MVB12B: variants seen among roughly 807,000 people sequenced by gnomAD.
MVB12B encodes the protein ESCRT-I complex subunit MVB12B.
Under a neutral mutation model 41.6 loss-of-function variants are expected in MVB12B, and 16 were observed. The observed-to-expected ratio is 0.38, with a 90% CI of 0.26 to 0.58. The LOEUF (loss-of-function observed/expected upper bound fraction) is 0.58, where lower values mean the gene tolerates loss of function less well. Ranked by LOEUF, MVB12B falls within the 20% of genes least tolerant of loss-of-function variation. The pLI, the probability that MVB12B is intolerant of heterozygous loss-of-function variation, is 0.62. For missense variants in MVB12B, 274 were observed against 380.2 expected (o/e 0.72, Z 2.32); for synonymous variants, 133 against 139.7 (o/e 0.95, Z 0.34).
intron 6 of MVB12B, among the ~76,000 whole-genome samples, chr9:126,414,302 T>C (rs755993854): frequency 2.0e-5 from 3 of 152,194 alleles, no homozygotes; most frequent in Non-Finnish European, 4.4e-5. Flanking sequence ...TCGCTGGCAG[T>C]GCGTGCTTGC....
At chr9:126,502,537 T>C (rs1588218595) in intron 9 of MVB12B, among the ~76,000 whole-genome samples, 1 of 148,322 alleles carries the variant, frequency 6.7e-6, no homozygotes, top group Admixed American at 6.6e-5. Context: ...TGGAGGAAGG[T>C]CCCCCCACCG....
chr9:126,484,090 G>C, intron 9 of MVB12B, 58 bp downstream of exon 9: 1 of 1,521,474 alleles, frequency 6.6e-7, no homozygotes, highest in Non-Finnish European at 9.1e-7. Context: ...GCACACCGGC[G>C]TCTCTCGTGT....
chr9:126,354,182 G>A lies in MVB12B; in HGVS notation c.204+13552G>A, dbSNP rs188789548. 1.4e-4 allele frequency among the ~76,000 whole-genome samples: 22 copies of A among 152,156 alleles called. No homozygotes were observed. The East Asian group carries it at 3.1e-3, about 21-fold the overall frequency. Reference sequence around the variant, plus strand: ...CTCATATGGCTGGCTTTCTCTTCCTGGTTTCTAGGCTTCCCTTATATATTC... The same window carrying A: ...CTCATATGGCTGGCTTTCTCTTCCTAGTTTCTAGGCTTCCCTTATATATTC... On this transcript the variant is annotated intron_variant, in intron 2 of 9. Coordinates refer to ENST00000361171, the MANE Select transcript of MVB12B (RefSeq NM_033446.3).
intron 3 of MVB12B, among the ~76,000 whole-genome samples, chr9:126,383,710 G>A (rs1371077611): frequency 1.3e-5 from 2 of 151,878 alleles, no homozygotes; most frequent in African/African-American, 2.4e-5. Context: ...GAGGGGAGAG[G>A]AACAGGCAAA....
intron 2 of MVB12B, among the ~76,000 whole-genome samples, chr9:126,347,677 T>C (rs1328410223): frequency 6.6e-6 from 1 of 152,238 alleles, no homozygotes; most frequent in Non-Finnish European, 1.5e-5. Flanking sequence ...AGAATCTCAA[T>C]GGTGATACAA....
chr9:126,379,506 C>T (rs1321252760), intron 2 of MVB12B, among the ~76,000 whole-genome samples: 2 of 152,154 alleles, frequency 1.3e-5, no homozygotes, highest in Non-Finnish European at 2.9e-5. Context: ...GACCCCCATT[C>T]GATCGTGTTT....
rs1301016818 is a variant in MVB12B at position 126,392,291 on chromosome 9, C to T, written c.539+96C>T. The T allele has an allele frequency of 6.9e-7, 1 of 1,443,244 alleles. No homozygotes were observed. Among genetic ancestry groups the T allele is most frequent in the East Asian group, 2.3e-5 (1 of 43,644 alleles). The allele number at this position is 1,443,244 out of a possible 1,614,324, so 89.4% of individuals were successfully genotyped here. A position where few individuals can be genotyped will look rare whatever the true frequency, so the allele number is the denominator to read the frequency against. ...GGTCCAAGAGATTTCCATGCAGCCCCCCAGGCTCTCAGCCATGGGCCTCTG... is the reference window on the plus strand; with the variant it reads ...GGTCCAAGAGATTTCCATGCAGCCCTCCAGGCTCTCAGCCATGGGCCTCTG... On this transcript the variant is annotated intron_variant, in intron 5 of 9. Coordinates refer to ENST00000361171, the MANE Select transcript of MVB12B (RefSeq NM_033446.3). The surrounding 1 kb of genome is among the most constrained non-coding windows in gnomAD (Gnocchi z 4.8).
intron 6 of MVB12B, among the ~76,000 whole-genome samples, chr9:126,418,897 A>G (rs1193903470): frequency 6.6e-6 from 1 of 152,142 alleles, no homozygotes; most frequent in Non-Finnish European, 1.5e-5. Context: ...TCCATAGGAA[A>G]TGATCACACT....
intron 6 of MVB12B, among the ~76,000 whole-genome samples, chr9:126,403,703 G>A (rs77818912): frequency 0.011 from 1,625 of 152,304 alleles, 14 homozygotes; most frequent in Non-Finnish European, 0.015. Flanking sequence ...CATGCTCACA[G>A]TAAGTGCTCA....
rs1231518357 is a variant in MVB12B at position 126,436,688 on chromosome 9, C to T, written c.757+14740C>T. Among the ~76,000 whole-genome samples, 1 of 152,166 alleles carries T rather than the reference C, an allele frequency of 6.6e-6. No homozygotes were observed. Among genetic ancestry groups the T allele is most frequent in the Non-Finnish European group, 1.5e-5 (1 of 68,036 alleles). ...CTGGTTCCTTAAATCCGTAGTGGCTCAGCATATAGTCCTTTGTCTGGCAGT... is the reference window on the plus strand; with the variant it reads ...CTGGTTCCTTAAATCCGTAGTGGCTTAGCATATAGTCCTTTGTCTGGCAGT... On this transcript the variant is annotated intron_variant, in intron 7 of 9. Transcript: ENST00000361171. This position sits in a 1 kb window ranked among gnomAD's most constrained non-coding sequence, Gnocchi z 4.1.
chr9:126,418,906 C>CT (rs1831910016), intron 6 of MVB12B, among the ~76,000 whole-genome samples: 1 of 152,206 alleles, frequency 6.6e-6, no homozygotes. Context: ...AATGATCACA[C>CT]TTGTAAGCAA....
chr9:126,460,068 CT>C (rs1833058145), intron 7 of MVB12B, among the ~76,000 whole-genome samples: 2 of 152,202 alleles, frequency 1.3e-5, no homozygotes, highest in Admixed American at 6.5e-5. Flanking sequence ...GTCTGCCTAT[CT>C]TCTTGAGGGG....
chr9:126,467,316 C>A (rs1833220617), intron 7 of MVB12B, among the ~76,000 whole-genome samples: 2 of 152,142 alleles, frequency 1.3e-5, no homozygotes, highest in African/African-American at 4.8e-5. Context: ...AGGAATCCTC[C>A]TGAGGCCATC....
intron 7 of MVB12B, among the ~76,000 whole-genome samples, chr9:126,441,126 A>G (rs1286169982): frequency 6.6e-6 from 1 of 152,110 alleles, no homozygotes; most frequent in African/African-American, 2.4e-5. Flanking sequence ...AGCACAGAAA[A>G]CTTAATAATC....
chr9:126,499,370 C>G (rs1324262051), intron 9 of MVB12B, among the ~76,000 whole-genome samples: 1 of 152,108 alleles, frequency 6.6e-6, no homozygotes, highest in Non-Finnish European at 1.5e-5. Flanking sequence ...CACCAGAGGG[C>G]GCAGGCCCGG....
chr9:126,477,788 T>G (rs993056309), intron 7 of MVB12B, among the ~76,000 whole-genome samples: 2 of 152,200 alleles, frequency 1.3e-5, no homozygotes, highest in Non-Finnish European at 2.9e-5. Flanking sequence ...AGTTACTTTT[T>G]TATCCTTGAT....
At chr9:126,470,175 A>G (rs903710454) in intron 7 of MVB12B, among the ~76,000 whole-genome samples, 32 of 152,188 alleles carry the variant, frequency 2.1e-4, no homozygotes, top group Admixed American at 1.5e-3. Context: ...GTGCAGCCAT[A>G]TTAAATTACA....
At chr9:126,382,561 G>A (rs1830666879) in intron 3 of MVB12B, among the ~76,000 whole-genome samples, 1 of 152,162 alleles carries the variant, frequency 6.6e-6, no homozygotes, top group African/African-American at 2.4e-5. Flanking sequence ...CTTATAATGA[G>A]TCCCTGCAGG....
intron 2 of MVB12B, among the ~76,000 whole-genome samples, chr9:126,348,165 T>C (rs1048042434): frequency 1.3e-5 from 2 of 152,250 alleles, no homozygotes; most frequent in African/African-American, 4.8e-5. Flanking sequence ...CACCAGGTGT[T>C]CCTCCTTTTT....
Sources: gnomAD v4.1 joint callset for allele counts (sites outside exome capture counted in the v4.1 genomes callset) on GRCh38, gnomAD v4.1.1 for gene constraint, Gnocchi (gnomAD v3.1) non-coding constraint, MANE v1.5 for transcripts, NCBI Gene and HGNC (gene_info 2026-07-23, HGNC 2026-07-21) for gene names.